TAB2: variants seen among roughly 807,000 people sequenced by gnomAD.
TAB2 encodes the protein TGF-beta activated kinase 1 (MAP3K7) binding protein 2.
Under a neutral mutation model 65.0 loss-of-function variants are expected in TAB2, and 3 were observed. The ratio of observed to expected loss-of-function variants is 0.05; its 90% CI spans 0.02 to 0.12. TAB2 has a LOEUF of 0.12. TAB2 is among the 10% of genes least tolerant of loss of function. The pLI, the probability that TAB2 is intolerant of heterozygous loss-of-function variation, is 1.00. For synonymous variants in TAB2, 298 were observed against 285.1 expected (o/e 1.05, Z -0.46); for missense variants, 623 against 840.3 (o/e 0.74, Z 3.20).
chr6:149,343,952 C>T (rs1259120101), intron 1 of TAB2, among the ~76,000 whole-genome samples: 1 of 152,090 alleles, frequency 6.6e-6, no homozygotes, highest in African/African-American at 2.4e-5. Context: ...ATTTTGTATC[C>T]CAATTGTGAA....
chr6:149,226,483 T>C (rs1777280064), intron 1 of TAB2, among the ~76,000 whole-genome samples: 3 of 152,210 alleles, frequency 2.0e-5, no homozygotes. Flanking sequence ...TGTGTGATGC[T>C]CACACACCCT....
chr6:149,335,334 A>T (rs2114763626), intron 1 of TAB2, among the ~76,000 whole-genome samples: 1 of 150,910 alleles, frequency 6.6e-6, no homozygotes, highest in South Asian at 2.1e-4. Context: ...ATATATAAAA[A>T]ATATATGTGT....
At chr6:149,381,351 CCTT>C (rs1781600266) in intron 3 of TAB2, among the ~76,000 whole-genome samples, 1 of 152,138 alleles carries the variant, frequency 6.6e-6, no homozygotes, top group African/African-American at 2.4e-5. Context: ...CCCAAAGTCA[CCTT>C]CTCTTCCTGT....
At chr6:149,329,064 A>G (rs1779705629) in intron 1 of TAB2, among the ~76,000 whole-genome samples, 1 of 152,156 alleles carries the variant, frequency 6.6e-6, no homozygotes, top group Non-Finnish European at 1.5e-5. Context: ...GGTTAGCTGG[A>G]AGTGAGGTGG....
intron 3 of TAB2, among the ~76,000 whole-genome samples, chr6:149,383,059 G>A (rs1781670500): frequency 6.6e-6 from 1 of 152,106 alleles, no homozygotes; most frequent in Non-Finnish European, 1.5e-5. Context: ...GGAGGCTGAG[G>A]CAGGAGAATT....
chr6:149,319,563 G>T (rs1779368596), intron 1 of TAB2, among the ~76,000 whole-genome samples: 1 of 152,182 alleles, frequency 6.6e-6, no homozygotes, highest in South Asian at 2.1e-4. Context: ...GAACGAATAT[G>T]ATGTACTATC....
At chr6:149,409,115 T>A (rs1782758412) in intron 6 of TAB2, among the ~76,000 whole-genome samples, 1 of 152,212 alleles carries the variant, frequency 6.6e-6, no homozygotes, top group South Asian at 2.1e-4. Flanking sequence ...GGCTTACATT[T>A]TTGGCAGATG....
At chr6:149,333,139 C>T (rs141096202) in intron 1 of TAB2, among the ~76,000 whole-genome samples, 2 of 152,318 alleles carry the variant, frequency 1.3e-5, no homozygotes, top group Non-Finnish European at 2.9e-5. Flanking sequence ...ACACAGACTA[C>T]TAGAGTTTAG....
chr6:149,339,592 TATTTATTTATTTA>T (rs150581669), intron 1 of TAB2, among the ~76,000 whole-genome samples: 5,011 of 137,934 alleles, frequency 0.036, 215 homozygotes, highest in Non-Finnish European at 0.054. Flanking sequence ...CTTTTTTATT[TATTTATTTATTTA>T]TTTTTTTTTT....
At chr6:149,298,548 A>ACC (rs1778917759) in intron 1 of TAB2, among the ~76,000 whole-genome samples, 3 of 152,132 alleles carry the variant, frequency 2.0e-5, no homozygotes, top group Admixed American at 6.5e-5. Flanking sequence ...GACTTGCTTG[A>ACC]TCCCGGGAGG....
At chr6:149,397,924 C>CT (rs1782230559) in intron 4 of TAB2, 45 bp from the exon 5 acceptor site, 1 of 1,585,616 alleles carries the variant, frequency 6.3e-7, no homozygotes. Flanking sequence ...TAACTAATGA[C>CT]TAAGAATTCA....
chr6:149,392,015 T>C (rs1422423404), intron 3 of TAB2, among the ~76,000 whole-genome samples: 1 of 152,194 alleles, frequency 6.6e-6, no homozygotes, highest in African/African-American at 2.4e-5. Context: ...AATCTCTTAA[T>C]GATATTAATC....
At chr6:149,335,708 A>G (rs895821606) in intron 1 of TAB2, among the ~76,000 whole-genome samples, 2 of 152,002 alleles carry the variant, frequency 1.3e-5, no homozygotes, top group African/African-American at 4.8e-5. Flanking sequence ...AAATGAAGCA[A>G]CTTGGCAGGG....
At chr6:149,327,762 ATAGG>A (rs1163094316) in intron 1 of TAB2, among the ~76,000 whole-genome samples, 1 of 152,224 alleles carries the variant, frequency 6.6e-6, no homozygotes, top group African/African-American at 2.4e-5. Flanking sequence ...GGATGATTTT[ATAGG>A]AAATGGAAAA....
At chr6:149,254,059 G>GAGGAAGGAAGGAAGGAAGGAAGGAAGGA in intron 1 of TAB2, among the ~76,000 whole-genome samples, 1 of 103,736 alleles carries the variant, frequency 9.6e-6, no homozygotes, top group Non-Finnish European at 2.0e-5. Flanking sequence ...GGGAGAGAGG[G>GAGGAAGGAAGGAAGGAAGGAAGGAAGGA]AGGAAGGAAG....
chr6:149,319,414 A>G (rs1779363327), intron 1 of TAB2, among the ~76,000 whole-genome samples: 1 of 152,236 alleles, frequency 6.6e-6, no homozygotes, highest in East Asian at 1.9e-4. Context: ...ATAAAGGAAG[A>G]CTTGCTTTTC....
intron 2 of TAB2, among the ~76,000 whole-genome samples, chr6:149,377,173 C>T (rs1292775386): frequency 6.6e-6 from 1 of 151,292 alleles, no homozygotes; most frequent in Non-Finnish European, 1.5e-5. Context: ...AGGTTCACGC[C>T]ATTCTCCTGC....
At chr6:149,226,423 T>G (rs1777278326) in intron 1 of TAB2, among the ~76,000 whole-genome samples, 1 of 152,172 alleles carries the variant, frequency 6.6e-6, no homozygotes, top group South Asian at 2.1e-4. Flanking sequence ...GCATCCATAA[T>G]CCTCTCCAAT....
chr6:149,322,664 C>G (rs749951773), intron 1 of TAB2, among the ~76,000 whole-genome samples: 3 of 152,140 alleles, frequency 2.0e-5, no homozygotes, highest in Non-Finnish European at 2.9e-5. Context: ...AACATTGTGT[C>G]GTATGTTGTT....
Sources: allele counts gnomAD v4.1 joint callset (sites outside exome capture counted in the v4.1 genomes callset), GRCh38; gene constraint gnomAD v4.1.1; transcripts MANE v1.5; gene names NCBI Gene and HGNC (gene_info 2026-07-23, HGNC 2026-07-21).